MZT2B: variants seen among roughly 807,000 people sequenced by gnomAD.
MZT2B encodes the protein mitotic spindle organizing protein 2B, also known as mitotic-spindle organizing protein 2B.
MZT2B carries 11 observed loss-of-function variants against 12.1 expected under a neutral mutation model. The observed-to-expected ratio is 0.91, with a 90% CI of 0.57 to 1.50. The LOEUF (loss-of-function observed/expected upper bound fraction) is 1.50, where lower values mean the gene tolerates loss of function less well. MZT2B is among the 40% of genes most tolerant of loss of function. The pLI is 0.00. For missense variants in MZT2B, 209 were observed against 227.7 expected (o/e 0.92, Z 0.53); for synonymous variants, 85 against 109.5 (o/e 0.78, Z 1.40).
At chr2:130,184,576 C>G (rs1314425669) in intron 2 of MZT2B, 3 of 985,214 alleles carry the variant, frequency 3.0e-6, no homozygotes, top group Non-Finnish European at 3.6e-6. Context: ...GCGTGCACTT[C>G]CTGACAGCGC....
At chr2:130,182,077 C>G (rs1024880056), upstream of MZT2B, 6 of 1,350,004 alleles carry the variant, frequency 4.4e-6, no homozygotes, top group Non-Finnish European at 5.7e-6. Context: ...CCACTCCCGG[C>G]TCCTAGAGCG....
intron 2 of MZT2B, among the ~76,000 whole-genome samples, chr2:130,185,895 G>T (rs544033264): frequency 1.3e-5 from 2 of 152,248 alleles, no homozygotes; most frequent in African/African-American, 4.8e-5. Context: ...CCCAGGTCCT[G>T]TAGGCTGGGT....
downstream of MZT2B, chr2:130,192,166 T>C (rs1470808343): frequency 1.3e-6 from 2 of 1,563,924 alleles, no homozygotes; most frequent in South Asian, 1.2e-5. Context: ...GTGAAGCTTA[T>C]ATCAAACCTA....
intron 2 of MZT2B, 145 bp downstream of exon 2, chr2:130,182,920 C>T: frequency 1.1e-5 from 13 of 1,190,304 alleles, no homozygotes; most frequent in Non-Finnish European, 1.5e-5. Context: ...CATCCGTGGG[C>T]TCTGCTCCTG....
At chr2:130,185,110 C>A (rs1177687304) in intron 2 of MZT2B, among the ~76,000 whole-genome samples, 1 of 152,014 alleles carries the variant, frequency 6.6e-6, no homozygotes, top group Non-Finnish European at 1.5e-5. Context: ...GAGATTGAGA[C>A]CATCCCGGCT....
the MZT2B span, among the ~76,000 whole-genome samples, chr2:130,203,779 T>C: frequency 1.3e-5 from 2 of 152,232 alleles, no homozygotes; most frequent in African/African-American, 4.8e-5. Flanking sequence ...ATGTATTTTT[T>C]TCTGCTTCTG....
chr2:130,204,334 G>A, the MZT2B span: 1 of 374,938 alleles, frequency 2.7e-6, no homozygotes, highest in African/African-American at 2.1e-5. Flanking sequence ...GGAGATGGAA[G>A]TAGCCATGCA....
chr2:130,194,193 G>T (rs199933182), downstream of MZT2B: 31 of 1,613,152 alleles, frequency 1.9e-5, no homozygotes, highest in Non-Finnish European at 2.5e-5. Context: ...TCAATGTCCA[G>T]GTTGCGCCGA....
intron 2 of MZT2B, chr2:130,183,081 A>G (rs397833882): frequency 4.4e-5 from 23 of 520,486 alleles, no homozygotes; most frequent in Middle Eastern, 1.0e-3. Flanking sequence ...GAATCAAGAC[A>G]GTTTGGGGCT....
intron 2 of MZT2B, chr2:130,183,528 C>T (rs1689898126): frequency 3.3e-6 from 2 of 604,598 alleles, no homozygotes; most frequent in Admixed American, 5.3e-5. Flanking sequence ...TGCTTCTGCT[C>T]CCGATGGCTC....
chr2:130,181,805 C>A (rs1219672027), upstream of MZT2B: 4 of 1,546,188 alleles, frequency 2.6e-6, no homozygotes. Flanking sequence ...AAGGTACTTT[C>A]TCCCCAGCAA....
intron 2 of MZT2B, among the ~76,000 whole-genome samples, chr2:130,186,535 C>T (rs566935343): frequency 6.6e-6 from 1 of 152,336 alleles, no homozygotes; most frequent in African/African-American, 2.4e-5. Flanking sequence ...GCCATCTCAC[C>T]TGAGCTGTGC....
intron 2 of MZT2B, 79 bp from the exon 3 acceptor site, chr2:130,190,390 C>T: frequency 6.3e-7 from 1 of 1,578,954 alleles, no homozygotes; most frequent in South Asian, 1.1e-5. Context: ...ACAAATGTTG[C>T]CCAAGGACCA....
rs904492808 is a variant in MZT2B at position 130,185,699 on chromosome 2, G to A, written c.319+2924G>A. ...GGGGCGGGAGGAGGCAGGTGGGGGG[G>A]CACGGTCAAGATGTATGTGAGGGTT... On this transcript the variant is annotated intron_variant, in intron 2 of 2. Coordinates refer to ENST00000281871, the MANE Select transcript of MZT2B (RefSeq NM_025029.5). Among the ~76,000 whole-genome samples the A allele has an allele frequency of 4.6e-4, 52 of 112,030 alleles. 5 individuals carry two copies. Among genetic ancestry groups the A allele is most frequent in the Non-Finnish European group, 9.5e-5 (5 of 52,782 alleles). 73.5% of individuals were successfully genotyped at this position (112,030 alleles called of 152,430 possible).
rs556284136 is a variant in MZT2B, at chr2:130,190,687, A to G, written c.*61A>G. 21 of 1,552,988 alleles carry G rather than the reference A, an allele frequency of 1.4e-5. No individual in the cohort carries two copies. In the African/African-American group the frequency reaches 2.5e-4, roughly 18 times the overall value. On this transcript the variant is annotated 3_prime_UTR_variant, in exon 3 of 3. Coordinates refer to ENST00000281871, the MANE Select transcript of MZT2B (RefSeq NM_025029.5). ...CAAAGGCTACATGTTACCTCCTTCA[A>G]TTGATAATAAACCTTTCTGAGATGC...
chr2:130,192,091 C>T (rs756913880), downstream of MZT2B: 32 of 1,606,486 alleles, frequency 2.0e-5, no homozygotes, highest in Middle Eastern at 1.7e-4. Context: ...AGGTCTCCCC[C>T]GGGGACCACT....
chr2:130,184,764 C>G, intron 2 of MZT2B: 1 of 985,444 alleles, frequency 1.0e-6, no homozygotes. Context: ...TTGCTGCTCA[C>G]TCAGCACTCA....
At chr2:130,194,937 C>T (rs1690367104), downstream of MZT2B, 7 of 1,480,870 alleles carry the variant, frequency 4.7e-6, no homozygotes, top group African/African-American at 1.4e-5. Flanking sequence ...TTTAGCCTCT[C>T]AAAGTGCTGG....
chr2:130,191,642 C>T, downstream of MZT2B: 1 of 1,026,148 alleles, frequency 9.7e-7, no homozygotes, highest in Non-Finnish European at 1.4e-6. Context: ...TGCACCCAAC[C>T]CCACGCCAGC....
Sources: allele counts gnomAD v4.1 joint callset (sites outside exome capture counted in the v4.1 genomes callset), GRCh38; gene constraint gnomAD v4.1.1; transcripts MANE v1.5; gene names NCBI Gene and HGNC (gene_info 2026-07-23, HGNC 2026-07-21).